ASB18: variants seen among roughly 807,000 people sequenced by gnomAD.
ASB18 encodes ankyrin repeat and SOCS box containing 18, also known as ankyrin repeat and SOCS box protein 18.
Under a neutral mutation model 33.4 loss-of-function variants are expected in ASB18, and 33 were observed. The ratio of observed to expected loss-of-function variants is 0.99; its 90% CI spans 0.75 to 1.32. The LOEUF (loss-of-function observed/expected upper bound fraction) is 1.32. Ranked by LOEUF, ASB18 falls within the 40% of genes most tolerant of loss-of-function variation. The pLI, the probability that ASB18 is intolerant of heterozygous loss-of-function variation, is 0.00. For synonymous variants in ASB18, 295 were observed against 307.6 expected, an observed-to-expected ratio of 0.96 and a Z score of 0.43; for missense variants, 694 against 655.5, an observed-to-expected ratio of 1.06 and a Z score of -0.64.
intron 2 of ASB18, among the ~76,000 whole-genome samples, chr2:236,240,674 C>CA (rs1427257131): frequency 6.6e-6 from 1 of 152,162 alleles, no homozygotes; most frequent in African/African-American, 2.4e-5. Context: ...CTTGGGAGGT[C>CA]TGCTTGTCCG....
rs150859261 is a variant in ASB18 at position 236,195,704 on chromosome 2, C to T, written c.1215+568G>A. Among the ~76,000 whole-genome samples the T allele has an allele frequency of 8.0e-3, 1,212 of 152,250 alleles. 9 individuals are homozygous for T. The highest frequency in any genetic ancestry group is 0.014 in the Middle Eastern group (4 of 294). ...GTAATTTCTGTATTTTCAGTAAAGA[C>T]AAGCTTTCACCATGTTGGCCAGTCT... On this transcript the variant is annotated intron_variant, in intron 5 of 5. Transcript: ENST00000409749. The surrounding 1 kb of genome is among the most constrained non-coding windows in gnomAD (Gnocchi z 5.5).
Position 236,199,964 on chromosome 2 carries a change from C to T in ASB18, c.1102-3579G>A, listed in dbSNP as rs577970495. Among the ~76,000 whole-genome samples the T allele has an allele frequency of 1.2e-3, 188 of 152,104 alleles. 3 individuals are homozygous for T. Among genetic ancestry groups the T allele is most frequent in the East Asian group, 5.8e-4 (3 of 5,166 alleles). On this transcript the variant is annotated intron_variant, in intron 4 of 5. Coordinates refer to ENST00000409749, the MANE Select transcript of ASB18 (RefSeq NM_212556.4). ...ATTTTATTTTGATTTCTTCTTGAGT[C>T]CATTTTGTTAATCTATATTTTCCTG...
chr2:236,254,741 G>A (rs2106285625), intron 1 of ASB18, among the ~76,000 whole-genome samples: 1 of 152,088 alleles, frequency 6.6e-6, no homozygotes, highest in East Asian at 1.9e-4. Context: ...GCCCATCGTT[G>A]ATGGGAACAA....
rs1027660125 is a variant in ASB18, at chr2:236,200,049, A to G, written c.1102-3664T>C. 8.5e-5 allele frequency among the ~76,000 whole-genome samples: 13 copies of G among 152,178 alleles called. No individual in the cohort carries two copies. The highest frequency in any genetic ancestry group is 2.9e-4 in the African/African-American group (12 of 41,434). ...GCATAGATAACAGTCAAGGTCCATTAGAAAAGAGATGGAGAAGCCAGGCAC... is the reference window on the plus strand; with the variant it reads ...GCATAGATAACAGTCAAGGTCCATTGGAAAAGAGATGGAGAAGCCAGGCAC... On this transcript the variant is annotated intron_variant, in intron 4 of 5. Transcript: ENST00000409749. The surrounding 1 kb of genome is among the most constrained non-coding windows in gnomAD (Gnocchi z 4.2).
Position 236,214,677 on chromosome 2 carries a change from C to A in ASB18, c.786G>T (p.Ala262=). ...GCCCGTGCTCGTCGGGCCTCCGCGC[C>A]GCACCGCAGGCCGCGCTCAGAGCCG... is the stretch of plus-strand genomic sequence containing the variant. ...GETALSAACG[A]ARRPDEHGRC... Residue 262 remains alanine, a synonymous_variant, in exon 4 of 6, where the codon GCG becomes GCT. Coordinates refer to ENST00000409749, the MANE Select transcript of ASB18 (RefSeq NM_212556.4). The surrounding 1 kb of genome is among the most constrained non-coding windows in gnomAD (Gnocchi z 6.5). 8.8e-7 allele frequency: 1 copy of A among 1,141,836 alleles called. No individual in the cohort carries two copies. The highest frequency in any genetic ancestry group is 4.1e-5 in the South Asian group (1 of 24,110). The allele number at this position is 1,141,836 out of a possible 1,614,324, so 70.7% of individuals were successfully genotyped here. A position where few individuals can be genotyped will look rare whatever the true frequency, so the allele number is the denominator to read the frequency against.
chr2:236,242,198 G>C (rs534229115), intron 1 of ASB18, among the ~76,000 whole-genome samples: 10 of 152,134 alleles, frequency 6.6e-5, no homozygotes, highest in Non-Finnish European at 1.5e-4. Flanking sequence ...ACCCATGTGC[G>C]TCTGTCTCAA....
Position 236,248,700 on chromosome 2 carries a change from A to G in ASB18, c.206-7298T>C, listed in dbSNP as rs2060655762. ...AACCATGGAATCCGTGACCCTTGCA[A>G]TGTGGTGTGGAATGCCTTTTATCCC... On this transcript the variant is annotated intron_variant, in intron 1 of 5. Transcript: ENST00000409749. The surrounding 1 kb of genome is among the most constrained non-coding windows in gnomAD (Gnocchi z 4.9). The G allele has an allele frequency of 6.6e-6, 1 of 152,184 alleles. No individual in the cohort carries two copies. Among genetic ancestry groups the G allele is most frequent in the African/African-American group, 2.4e-5 (1 of 41,436 alleles). 9.4% of individuals were successfully genotyped at this position (152,184 alleles called of 1,614,324 possible).
chr2:236,254,906 A>AT (rs1350079844), intron 1 of ASB18, among the ~76,000 whole-genome samples: 2 of 152,064 alleles, frequency 1.3e-5, no homozygotes, highest in African/African-American at 4.8e-5. Context: ...GTTTCCTGCC[A>AT]TCCGCTTGGT....
chr2:236,225,168 T>C lies in ASB18; in HGVS notation c.597-10302A>G, dbSNP rs2060531391. 6.6e-6 allele frequency among the ~76,000 whole-genome samples: 1 copy of C among 152,150 alleles called. No homozygotes were observed. Among genetic ancestry groups the C allele is most frequent in the Non-Finnish European group, 1.5e-5 (1 of 68,024 alleles). On this transcript the variant is annotated intron_variant, in intron 3 of 5. Coordinates refer to ENST00000409749, the MANE Select transcript of ASB18 (RefSeq NM_212556.4). The surrounding 1 kb of genome is among the most constrained non-coding windows in gnomAD (Gnocchi z 5.1). ...ACAGAGTCTCACTCTGTCACTCAGG[T>C]TGCAGTGCAGTGACATGATCATGAC...
Position 236,225,312 on chromosome 2 carries a change from T to C in ASB18, c.597-10446A>G, listed in dbSNP as rs957908703. ...AATTTTTGCAGAGATGGGGTCTCACTATGTTGCCCAGGCTGGTCTCAAACT... is the reference window on the plus strand; with the variant it reads ...AATTTTTGCAGAGATGGGGTCTCACCATGTTGCCCAGGCTGGTCTCAAACT... On this transcript the variant is annotated intron_variant, in intron 3 of 5. Transcript: ENST00000409749. The surrounding 1 kb of genome is among the most constrained non-coding windows in gnomAD (Gnocchi z 5.1). Among the ~76,000 whole-genome samples, 1 of 151,952 alleles carries C rather than the reference T, an allele frequency of 6.6e-6. No individual in the cohort carries two copies. The highest frequency in any genetic ancestry group is 1.5e-5 in the Non-Finnish European group (1 of 67,970).
rs1401991905 is a variant in ASB18 at position 236,203,872 on chromosome 2, C to A, written c.1102-7487G>T. Among the ~76,000 whole-genome samples, 1 of 152,000 alleles carries A rather than the reference C, an allele frequency of 6.6e-6. No individual in the cohort carries two copies. Among genetic ancestry groups the A allele is most frequent in the African/African-American group, 2.4e-5 (1 of 41,422 alleles). On this transcript the variant is annotated intron_variant, in intron 4 of 5. Coordinates refer to ENST00000409749, the MANE Select transcript of ASB18 (RefSeq NM_212556.4). The surrounding 1 kb of genome is among the most constrained non-coding windows in gnomAD (Gnocchi z 6.0). ...ACAGAGTGACACCCCCTCTCAAAAA[C>A]CAAACCAAACCAAACCAACCAACCA...
At chr2:236,201,508 G>C (rs1399992187) in intron 4 of ASB18, among the ~76,000 whole-genome samples, 2 of 151,558 alleles carry the variant, frequency 1.3e-5, no homozygotes, top group African/African-American at 4.9e-5. Flanking sequence ...AGTTATTTGA[G>C]AGTGTGCTAT....
chr2:236,221,106 A>C lies in ASB18; in HGVS notation c.597-6240T>G, dbSNP rs547812022. On this transcript the variant is annotated intron_variant, in intron 3 of 5. Coordinates refer to ENST00000409749, the MANE Select transcript of ASB18 (RefSeq NM_212556.4). The surrounding 1 kb of genome is among the most constrained non-coding windows in gnomAD (Gnocchi z 5.6). ...AGTGGTCTAAAGGGCAGGGCCCGGC[A>C]GAGGATGGTGGCCTTGCAGTCAGTG... 6.6e-6 allele frequency among the ~76,000 whole-genome samples: 1 copy of C among 152,264 alleles called. No homozygotes were observed. The highest frequency in any genetic ancestry group is 2.1e-4 in the South Asian group (1 of 4,808).
At chr2:236,233,070 T>C (rs1386919626) in intron 3 of ASB18, among the ~76,000 whole-genome samples, 1 of 151,992 alleles carries the variant, frequency 6.6e-6, no homozygotes, top group Non-Finnish European at 1.5e-5. Context: ...AACCCAATAA[T>C]ATATAAAAAA....
At chr2:236,227,743 T>C (rs1295006017) in intron 3 of ASB18, among the ~76,000 whole-genome samples, 2 of 152,134 alleles carry the variant, frequency 1.3e-5, no homozygotes, top group Non-Finnish European at 2.9e-5. Context: ...GGTTGGCTTA[T>C]GTCCTTTAAT....
Position 236,203,668 on chromosome 2 carries a change from C to CT in ASB18, c.1102-7284dup, listed in dbSNP as rs1213680275. ...ATGACTTGAGTCTAGGAGTTTGAGA[C>CT]TAGCCTGGGCAACATGGAGAAACCC... On this transcript the variant is annotated intron_variant, in intron 4 of 5. Transcript: ENST00000409749. The surrounding 1 kb of genome is among the most constrained non-coding windows in gnomAD (Gnocchi z 6.0). Among the ~76,000 whole-genome samples, 5 of 152,236 alleles carry CT rather than the reference C, an allele frequency of 3.3e-5. No individual in the cohort carries two copies. The East Asian group carries it at 9.7e-4, about 29-fold the overall frequency.
rs563570494 is a variant in ASB18 at position 236,239,882 on chromosome 2, A to G, written c.328+1398T>C. 3.5e-4 allele frequency among the ~76,000 whole-genome samples: 54 copies of G among 152,324 alleles called. No individual in the cohort carries two copies. Among genetic ancestry groups the G allele is most frequent in the African/African-American group, 9.9e-4 (41 of 41,576 alleles). On this transcript the variant is annotated intron_variant, in intron 2 of 5. Transcript: ENST00000409749. This position sits in a 1 kb window ranked among gnomAD's most constrained non-coding sequence, Gnocchi z 5.6. ...TCTGTGCCGGAGGAGGCTGGAATCCAGGCAGCCTGAGCTTGCCTCCCTCTC... is the reference window on the plus strand; with the variant it reads ...TCTGTGCCGGAGGAGGCTGGAATCCGGGCAGCCTGAGCTTGCCTCCCTCTC...
chr2:236,263,818 C>A lies in ASB18; in HGVS notation c.205+323G>T, dbSNP rs1023982941. On this transcript the variant is annotated intron_variant, in intron 1 of 5. Transcript: ENST00000409749. The surrounding 1 kb of genome is among the most constrained non-coding windows in gnomAD (Gnocchi z 4.0). The stretch of plus-strand genomic sequence containing the variant: ...TTTTGTAGATCTCAAGGGAGCAGAA[C>A]ACACAATTATGTGTATGATATGGTT... 1.5e-4 allele frequency among the ~76,000 whole-genome samples: 23 copies of A among 150,750 alleles called. No individual in the cohort carries two copies. Among genetic ancestry groups the A allele is most frequent in the Admixed American group, 9.9e-4 (15 of 15,164 alleles).
chr2:236,228,109 T>A lies in ASB18; in HGVS notation c.596+9580A>T, dbSNP rs2060548687. On this transcript the variant is annotated intron_variant, in intron 3 of 5. Coordinates refer to ENST00000409749, the MANE Select transcript of ASB18 (RefSeq NM_212556.4). The surrounding 1 kb of genome is among the most constrained non-coding windows in gnomAD (Gnocchi z 5.1). ...CCCAGCAAATCATCTATCAGATGAG[T>A]CAAGAACAAAAATTGGAAGTGAATG... is the stretch of plus-strand genomic sequence containing the variant. Among the ~76,000 whole-genome samples, 1 of 152,114 alleles carries A rather than the reference T, an allele frequency of 6.6e-6. No individual in the cohort carries two copies. Among genetic ancestry groups the A allele is most frequent in the East Asian group, 1.9e-4 (1 of 5,192 alleles).
Sources: gnomAD v4.1 joint callset for allele counts (sites outside exome capture counted in the v4.1 genomes callset) on GRCh38, gnomAD v4.1.1 for gene constraint, Gnocchi (gnomAD v3.1) non-coding constraint, MANE v1.5 for transcripts, NCBI Gene and HGNC (gene_info 2026-07-23, HGNC 2026-07-21) for gene names.